The following VAC14 variants were observed in gnomAD, a reference collection of about 807,000 sequenced individuals.
The protein encoded by VAC14 is VAC14 component of PIKFYVE complex.
A neutral mutation model predicts 85.3 loss-of-function variants in VAC14; 47 were observed. The observed-to-expected ratio is 0.55, with a 90% CI of 0.44 to 0.70. The LOEUF is 0.70. Ranked by LOEUF, VAC14 falls within the 30% of genes least tolerant of loss-of-function variation. The pLI is 0.00. For missense variants in VAC14, 861 were observed against 1,004.3 expected (o/e 0.86, Z 1.93); for synonymous variants, 447 against 430.5 (o/e 1.04, Z -0.47).
chr16:70,727,150 T>G (rs1273024955), intron 14 of VAC14, among the ~76,000 whole-genome samples: 2 of 152,174 alleles, frequency 1.3e-5, no homozygotes, highest in Non-Finnish European at 2.9e-5. Flanking sequence ...GAACAGCTTT[T>G]CACTTGCTGG....
intron 17 of VAC14, among the ~76,000 whole-genome samples, chr16:70,694,027 C>T (rs1597847870): frequency 6.6e-6 from 1 of 152,240 alleles, no homozygotes; most frequent in East Asian, 1.9e-4. Flanking sequence ...TGTTTCCAGT[C>T]CTTTCTTCCC....
rs1261502799 is a variant in VAC14 at position 70,785,722 on chromosome 16, G to C, written c.403C>G (p.Leu135Val). Residue 135 changes from leucine (L) to valine (V), a missense_variant, in exon 3 of 19, where the codon CTC (leucine) becomes GTC (valine). Transcript: ENST00000261776. ...GTTACCTTGCTCAGCCCGTCAAAGA[G>C]CACGTTGAAGTGGGGCAGCACAGCG... ...RGAVLPHFNV[L>V]FDGLSKLAAD... The C allele has an allele frequency of 6.4e-7, 1 of 1,564,224 alleles. No homozygotes were observed. Among genetic ancestry groups the C allele is most frequent in the Admixed American group, 1.9e-5 (1 of 52,632 alleles).
Position 70,800,777 on chromosome 16 carries a change from G to C in VAC14, c.104+20C>G. The C allele has an allele frequency of 6.3e-7, 1 of 1,599,236 alleles. No homozygotes were observed. The highest frequency in any genetic ancestry group is 1.1e-5 in the South Asian group (1 of 90,688). On this transcript the variant is annotated intron_variant, in intron 1 of 18. Coordinates refer to ENST00000261776, the MANE Select transcript of VAC14 (RefSeq NM_018052.5). ...CAGTCAGGGGCTGCATAGCCAGGGA[G>C]GGGTCCTGGCGGCTCTTACTTCTCG...
chr16:70,694,104 A>T (rs2053657520), intron 17 of VAC14, among the ~76,000 whole-genome samples: 1 of 152,220 alleles, frequency 6.6e-6, no homozygotes, highest in Non-Finnish European at 1.5e-5. Context: ...CAGGCGACTC[A>T]GGGCTGGGAC....
intron 14 of VAC14, among the ~76,000 whole-genome samples, chr16:70,719,629 C>T (rs548795699): frequency 3.9e-5 from 6 of 152,322 alleles, no homozygotes; most frequent in African/African-American, 1.4e-4. Flanking sequence ...AGTTGTTCAA[C>T]TTCATTAGTC....
chr16:70,763,484 G>T (rs1366301811), intron 10 of VAC14, among the ~76,000 whole-genome samples: 1 of 152,242 alleles, frequency 6.6e-6, no homozygotes, highest in Non-Finnish European at 1.5e-5. Flanking sequence ...TGGACTGTAT[G>T]AGGGAAGGTC....
At chr16:70,766,261 G>A (rs1225594821) in intron 10 of VAC14, among the ~76,000 whole-genome samples, 1 of 152,196 alleles carries the variant, frequency 6.6e-6, no homozygotes, top group Admixed American at 6.5e-5. Context: ...ATGTCAGGCT[G>A]GTTGGCCCCT....
chr16:70,688,154 G>A, intron 18 of VAC14, 64 bp from the exon 19 acceptor site: 1 of 1,414,150 alleles, frequency 7.1e-7, no homozygotes, highest in South Asian at 1.7e-5. Context: ...TACTGCTGGA[G>A]GGCAGTGGGG....
intron 1 of VAC14, among the ~76,000 whole-genome samples, chr16:70,789,857 G>C (rs1041242120): frequency 1.3e-5 from 2 of 152,244 alleles, no homozygotes; most frequent in Non-Finnish European, 2.9e-5. Flanking sequence ...CTTGGCACAA[G>C]TTACAGCGAC....
chr16:70,796,795 C>T (rs1340630655), intron 1 of VAC14, among the ~76,000 whole-genome samples: 1 of 152,302 alleles, frequency 6.6e-6, no homozygotes, highest in South Asian at 2.1e-4. Flanking sequence ...TGAACAGTCC[C>T]CCAACCCCCA....
chr16:70,711,487 C>A (rs1487722667), intron 14 of VAC14, among the ~76,000 whole-genome samples: 1 of 152,000 alleles, frequency 6.6e-6, no homozygotes, highest in Non-Finnish European at 1.5e-5. Flanking sequence ...CCCTGCTGGT[C>A]TCTACCTTCA....
At chr16:70,799,426 A>AG (rs2034675102) in intron 1 of VAC14, among the ~76,000 whole-genome samples, 1 of 152,218 alleles carries the variant, frequency 6.6e-6, no homozygotes, top group South Asian at 2.1e-4. Context: ...GAATGGAGGC[A>AG]GGGTGGGGGA....
intron 14 of VAC14, among the ~76,000 whole-genome samples, chr16:70,708,250 C>T (rs2053960585): frequency 6.6e-6 from 1 of 152,238 alleles, no homozygotes; most frequent in African/African-American, 2.4e-5. Flanking sequence ...TGGTACTTGG[C>T]CCCTGGGCCC....
intron 16 of VAC14, chr16:70,696,768 C>A: frequency 3.8e-6 from 1 of 266,268 alleles, no homozygotes; most frequent in Non-Finnish European, 7.4e-6. Context: ...GGAGGAACTA[C>A]AATGAGCAGA....
intron 14 of VAC14, chr16:70,699,579 G>A (rs180796610): frequency 6.6e-6 from 1 of 152,288 alleles, no homozygotes; most frequent in African/African-American, 2.4e-5. Flanking sequence ...AAGGCAAAAA[G>A]GGAACCCAGA....
rs1439872593 is a variant in VAC14, at chr16:70,772,169, C to T, written c.1100G>A (p.Gly367Asp). The T allele has an allele frequency of 2.5e-5, 40 of 1,614,002 alleles. No individual in the cohort carries two copies. Among genetic ancestry groups the T allele is most frequent in the Non-Finnish European group, 3.1e-5 (37 of 1,179,968 alleles). The change falls in exon 10 of 19, where the codon GGT becomes GAT. Residue 367 changes from glycine to aspartate, a missense_variant. By Grantham distance (94) the Gly-to-Asp change is moderately conservative. Transcript: ENST00000261776. The stretch of plus-strand genomic sequence containing the variant: ...GCTGGAGTCACAGGAACCATCTGGA[C>T]CTCCTGGGAGAGGAAGAGGAACAAG... ...LPKQEGTASG[G>D]PDGSCDSSFS...
At chr16:70,732,491 T>C (rs1402447925) in intron 13 of VAC14, among the ~76,000 whole-genome samples, 1 of 152,122 alleles carries the variant, frequency 6.6e-6, no homozygotes, top group Non-Finnish European at 1.5e-5. Context: ...GAAAGGCTGA[T>C]GGAATACTTG....
chr16:70,695,361 C>T (rs2053685541), intron 17 of VAC14, among the ~76,000 whole-genome samples, 183 bp downstream of exon 17: 1 of 152,150 alleles, frequency 6.6e-6, no homozygotes, highest in African/African-American at 2.4e-5. Context: ...GATGCTCCAG[C>T]CTCAGCCTCC....
At chr16:70,689,019 A>C in intron 18 of VAC14, 1 of 985,160 alleles carries the variant, frequency 1.0e-6, no homozygotes, top group Non-Finnish European at 1.2e-6. Context: ...AGCTAAGCAG[A>C]GAGTCTTGGG....
Sources: allele counts gnomAD v4.1 joint callset (sites outside exome capture counted in the v4.1 genomes callset), GRCh38; gene constraint gnomAD v4.1.1; transcripts MANE v1.5; gene names NCBI Gene and HGNC (gene_info 2026-07-23, HGNC 2026-07-21).